PIK3CB: variants seen among roughly 807,000 people sequenced by gnomAD.
PIK3CB encodes the protein phosphatidylinositol 4,5-bisphosphate 3-kinase catalytic subunit beta isoform.
In PIK3CB, 39 loss-of-function variants were observed where a neutral mutation model predicts 136.8. The ratio of observed to expected loss-of-function variants is 0.29; its 90% CI spans 0.22 to 0.37. The LOEUF (loss-of-function observed/expected upper bound fraction) is 0.37, where lower values mean the gene tolerates loss of function less well. Among genes scored for constraint, PIK3CB ranks in the 10% least tolerant of loss-of-function variants. PIK3CB has a pLI of 1.00. For missense variants in PIK3CB, 868 were observed against 1,275.4 expected (o/e 0.68, Z 4.87); for synonymous variants, 428 against 436.6 (o/e 0.98, Z 0.25).
At chr3:138,693,640 T>A (rs1362992547) in intron 14 of PIK3CB, among the ~76,000 whole-genome samples, 1 of 152,066 alleles carries the variant, frequency 6.6e-6, no homozygotes, top group Non-Finnish European at 1.5e-5. Flanking sequence ...CCTCAAGTGA[T>A]CTGCCTGCCT....
chr3:138,715,629 G>GATAA (rs2044590763), intron 8 of PIK3CB, among the ~76,000 whole-genome samples: 2 of 151,990 alleles, frequency 1.3e-5, no homozygotes, highest in Non-Finnish European at 2.9e-5. Context: ...TGAAAAGGAA[G>GATAA]ATAAATACCC....
intron 1 of PIK3CB, among the ~76,000 whole-genome samples, chr3:138,807,855 A>G (rs1056133526): frequency 2.0e-5 from 3 of 151,890 alleles, no homozygotes; most frequent in African/African-American, 2.4e-5. Flanking sequence ...TGATCATGTC[A>G]TCGCACTCCA....
rs371428527 is a variant in PIK3CB at position 138,737,869 on chromosome 3, T to C, written c.639A>G (p.Gln213=). The change falls in exon 6 of 24, where the codon CAA becomes CAG. Residue 213 remains glutamine (Q), a synonymous_variant. Coordinates refer to ENST00000674063, the MANE Select transcript of PIK3CB (RefSeq NM_006219.3). ...TGATAGGATTCATATTAGGAGACAC[T>C]TGAAAGCTAAACACGTCCTGAAGGG... The part of the protein sequence containing the change: ...FENCQDVFSF[Q]VSPNMNPIKV... 8.1e-6 allele frequency: 13 copies of C among 1,599,642 alleles called. No homozygotes were observed. Among genetic ancestry groups the C allele is most frequent in the East Asian group, 4.5e-5 (2 of 44,136 alleles).
chr3:138,701,152 C>A lies in PIK3CB; in HGVS notation c.1582-2057G>T, dbSNP rs563753691. ...TGACAAAACATCAGGCAAATCCAAA[C>A]TGAGGGATATTCTATAAAATAATTG... On this transcript the variant is annotated intron_variant, in intron 12 of 23. Transcript: ENST00000674063. 2.7e-5 allele frequency among the ~76,000 whole-genome samples: 4 copies of A among 150,648 alleles called. No individual in the cohort carries two copies. The South Asian group carries it at 8.4e-4, about 31-fold the overall frequency.
chr3:138,685,396 CAAAAAA>C (rs398052626), intron 16 of PIK3CB, among the ~76,000 whole-genome samples: 6 of 58,354 alleles, frequency 1.0e-4, no homozygotes, highest in African/African-American at 3.0e-4. Flanking sequence ...GAAACTGTCT[CAAAAAA>C]AAAAAAAAAA....
chr3:138,705,155 CAAAAA>C (rs1312893752), intron 11 of PIK3CB, among the ~76,000 whole-genome samples: 23 of 29,870 alleles, frequency 7.7e-4, no homozygotes, highest in African/African-American at 3.3e-3. Flanking sequence ...ATTAGAAAGG[CAAAAA>C]AAAAAAAAAA....
intron 1 of PIK3CB, among the ~76,000 whole-genome samples, chr3:138,799,191 T>C (rs1012814543): frequency 4.7e-5 from 7 of 150,282 alleles, no homozygotes; most frequent in Non-Finnish European, 8.9e-5. Context: ...TTTTTTTTTT[T>C]TTTTGAGACA....
At chr3:138,714,787 GTT>G in intron 8 of PIK3CB, 68 bp from the exon 9 acceptor site, 1 of 1,277,870 alleles carries the variant, frequency 7.8e-7, no homozygotes, top group Non-Finnish European at 1.1e-6. Flanking sequence ...ATCTCTTTTT[GTT>G]TGTTTGTTTG....
chr3:138,744,233 A>G (rs2045300947), intron 4 of PIK3CB, among the ~76,000 whole-genome samples: 1 of 151,448 alleles, frequency 6.6e-6, no homozygotes, highest in Non-Finnish European at 1.5e-5. Flanking sequence ...CTCTACTAAA[A>G]ATACAAAAAA....
intron 2 of PIK3CB, among the ~76,000 whole-genome samples, chr3:138,764,625 G>T (rs540775567): frequency 6.6e-6 from 1 of 152,108 alleles, no homozygotes; most frequent in Non-Finnish European, 1.5e-5. Flanking sequence ...ATGAATTCAT[G>T]ATTGGGCCCC....
intron 2 of PIK3CB, among the ~76,000 whole-genome samples, chr3:138,787,233 G>A (rs1473685882): frequency 6.6e-6 from 1 of 151,992 alleles, no homozygotes; most frequent in Non-Finnish European, 1.5e-5. Context: ...GGGCGTGGTG[G>A]CAGGTGCCTG....
intron 2 of PIK3CB, among the ~76,000 whole-genome samples, chr3:138,760,967 A>G (rs2045655474): frequency 6.6e-6 from 1 of 152,258 alleles, no homozygotes; most frequent in Non-Finnish European, 1.5e-5. Context: ...TGGAAAAAGA[A>G]TAATAAATTA....
chr3:138,771,012 A>G (rs1488716781), intron 2 of PIK3CB, among the ~76,000 whole-genome samples: 1 of 151,920 alleles, frequency 6.6e-6, no homozygotes, highest in African/African-American at 2.4e-5. Flanking sequence ...ACCTGGCCAC[A>G]TTACTTCTTT....
At chr3:138,722,168 T>C (rs1160652348) in intron 8 of PIK3CB, among the ~76,000 whole-genome samples, 1 of 148,814 alleles carries the variant, frequency 6.7e-6, no homozygotes, top group African/African-American at 2.5e-5. Flanking sequence ...CAATTAACTA[T>C]CCTCTATTTT....
chr3:138,748,452 A>AT (rs2045406317), intron 4 of PIK3CB, among the ~76,000 whole-genome samples: 1 of 152,116 alleles, frequency 6.6e-6, no homozygotes, highest in East Asian at 1.9e-4. Flanking sequence ...TTACTATAGC[A>AT]ACCTCTGCAT....
At chr3:138,714,378 ATAATT>A in intron 9 of PIK3CB, 85 bp downstream of exon 9, 2 of 823,188 alleles carry the variant, frequency 2.4e-6, no homozygotes, top group Non-Finnish European at 3.7e-6. Context: ...GTTACCTAAT[ATAATT>A]TAACTTATAT....
At chr3:138,659,869 T>G (rs892177142) in intron 21 of PIK3CB, among the ~76,000 whole-genome samples, 20 of 45,792 alleles carry the variant, frequency 4.4e-4, no homozygotes, top group African/African-American at 1.2e-3. Context: ...TCCTCTTCTT[T>G]TTTTTTTTTT....
At chr3:138,682,547 C>T (rs1438087539) in intron 18 of PIK3CB, among the ~76,000 whole-genome samples, 1 of 152,140 alleles carries the variant, frequency 6.6e-6, no homozygotes, top group Non-Finnish European at 1.5e-5. Context: ...TTTTTTCCTT[C>T]TTGCTTGCTT....
At chr3:138,716,864 A>T (rs763698557) in intron 8 of PIK3CB, among the ~76,000 whole-genome samples, 8 of 133,304 alleles carry the variant, frequency 6.0e-5, no homozygotes, top group Non-Finnish European at 1.1e-4. Context: ...ACTACACTCC[A>T]GCCTGGGTGA....
Sources: allele counts gnomAD v4.1 joint callset (sites outside exome capture counted in the v4.1 genomes callset), GRCh38; gene constraint gnomAD v4.1.1; transcripts MANE v1.5; gene names NCBI Gene and HGNC (gene_info 2026-07-23, HGNC 2026-07-21).